RGN: variants seen among roughly 807,000 people sequenced by gnomAD.
RGN encodes the protein regucalcin.
RGN carries 19 observed loss-of-function variants against 20.6 expected under a neutral mutation model. The ratio of observed to expected loss-of-function variants is 0.92; its 90% confidence interval spans 0.64 to 1.35. RGN has a LOEUF of 1.35. Among genes scored for constraint, RGN ranks in the 40% most tolerant of loss-of-function variants. The pLI, the probability that RGN is intolerant of heterozygous loss-of-function variation, is 0.00. For synonymous variants in RGN, 85 were observed against 87.2 expected, an observed-to-expected ratio of 0.97 and a Z score of 0.14; for missense variants, 302 against 232.7, an observed-to-expected ratio of 1.30 and a Z score of -1.94.
At chrX:47,087,936 A>AAGC (rs1930676148) in intron 4 of RGN, among the ~76,000 whole-genome samples, 1 of 100,652 alleles carries the variant, frequency 9.9e-6, no homozygotes. Context: ...TATATTATAT[A>AAGC]ATATATAATA....
In RGN at chrX:47,084,444, C is replaced by T. The variant is rs960690657; in HGVS notation, c.190C>T (p.Arg64Cys). ...TGCCCCAGTCAGCTCCGTGGCTCTTCGCCAGTCGGGAGGCTATGTTGCCAC... is the reference window on the plus strand; with the variant it reads ...TGCCCCAGTCAGCTCCGTGGCTCTTTGCCAGTCGGGAGGCTATGTTGCCAC... ...MDAPVSSVAL[R>C]QSGGYVATIG... The change falls in exon 4 of 8, where the codon CGC (arginine) becomes TGC (cysteine). Residue 64 changes from arginine (R) to cysteine (C), a missense_variant. By Grantham distance (180) the Arg-to-Cys change is radical. Transcript: ENST00000397180. 1.3e-5 allele frequency: 16 copies of T among 1,204,114 alleles called. No individual in the cohort carries two copies. Among genetic ancestry groups the T allele is most frequent in the South Asian group, 1.8e-5 (1 of 55,335 alleles).
At chrX:47,086,103 T>G (rs1379403692) in intron 4 of RGN, among the ~76,000 whole-genome samples, 1 of 112,044 alleles carries the variant, frequency 8.9e-6, no homozygotes, top group East Asian at 2.8e-4. Flanking sequence ...TAGCTTTTTT[T>G]GTTTGTTTTT....
chrX:47,088,650 G>A (rs902026968), intron 4 of RGN, among the ~76,000 whole-genome samples: 8 of 110,009 alleles, frequency 7.3e-5, no homozygotes, highest in African/African-American at 2.6e-4. Flanking sequence ...GAAATCCTTT[G>A]GCCGGGCGCG....
chrX:47,081,097 T>C, intron 2 of RGN, 33 bp from the exon 3 acceptor site: 1 of 1,064,751 alleles, frequency 9.4e-7, no homozygotes, highest in Non-Finnish European at 1.3e-6. Context: ...TTCTGTGCGA[T>C]GACCTTTCAC....
chrX:47,090,727 G>C (rs919460015), intron 5 of RGN, among the ~76,000 whole-genome samples: 8 of 108,511 alleles, frequency 7.4e-5, no homozygotes, highest in African/African-American at 2.7e-4. Context: ...TTCTGGTGCA[G>C]ATGTTTTGCT....
intron 4 of RGN, among the ~76,000 whole-genome samples, chrX:47,085,770 C>A (rs1556384058): frequency 9.0e-6 from 1 of 111,705 alleles, no homozygotes; most frequent in Non-Finnish European, 1.9e-5. Context: ...GTGTGAGCCA[C>A]TGCACCTGGC....
At chrX:47,087,582 C>T (rs1334050023) in intron 4 of RGN, 1 of 109,649 alleles carries the variant, frequency 9.1e-6, no homozygotes, top group Admixed American at 1.0e-4. Flanking sequence ...ACAAGGATGA[C>T]ATGCAAATGC....
At position 47,089,789 on chromosome X, in the gene RGN, G is replaced by A. The variant is rs371816285; in HGVS notation, c.360G>A (p.Glu120=). ...AGRYFAGTMA[E]ETAPAVLERH... ...TGGTTTTTGTAGGCACCATGGCTGA[G>A]GAAACAGCTCCAGCAGTTCTTGAGC... Residue 120 remains glutamate, a synonymous_variant, in exon 5 of 8, where the codon GAG becomes GAA. Transcript: ENST00000397180. 2 of 1,200,991 alleles carry A rather than the reference G, an allele frequency of 1.7e-6. No individual in the cohort carries two copies. Among genetic ancestry groups the A allele is most frequent in the Admixed American group, 2.3e-5 (1 of 44,197 alleles).
chrX:47,086,738 A>AGAGG (rs782448286), intron 4 of RGN, among the ~76,000 whole-genome samples: 7 of 38,040 alleles, frequency 1.8e-4, no homozygotes, highest in Non-Finnish European at 2.6e-4. Flanking sequence ...ATAACAGGAG[A>AGAGG]GAGAGAGAGA....
intron 5 of RGN, among the ~76,000 whole-genome samples, chrX:47,091,470 G>C (rs924485072): frequency 9.0e-6 from 1 of 111,728 alleles, no homozygotes; most frequent in African/African-American, 3.3e-5. Flanking sequence ...CCATCTGAAT[G>C]CTTAAACAGA....
chrX:47,090,935 A>G (rs76211714), intron 5 of RGN, among the ~76,000 whole-genome samples: 763 of 29,940 alleles, frequency 0.025, 57 homozygotes, highest in African/African-American at 0.057. Context: ...AAAGAAAGAA[A>G]GAAAGAAAGA....
At chrX:47,084,277 C>A in intron 3 of RGN, 141 bp from the exon 4 acceptor site, 1 of 447,731 alleles carries the variant, frequency 2.2e-6, no homozygotes, top group Non-Finnish European at 3.7e-6. Flanking sequence ...ATAGCCTTCC[C>A]TACTCAACAG....
At chrX:47,082,881 C>G (rs1307347848) in intron 3 of RGN, among the ~76,000 whole-genome samples, 2 of 106,598 alleles carry the variant, frequency 1.9e-5, no homozygotes, top group Non-Finnish European at 3.9e-5. Flanking sequence ...AGGTTGGGAT[C>G]CCCAATGAGA....
intron 4 of RGN, among the ~76,000 whole-genome samples, chrX:47,086,763 GA>G (rs2147017534): frequency 9.4e-6 from 1 of 106,334 alleles, no homozygotes; most frequent in South Asian, 4.4e-4. Flanking sequence ...GAGAGAGAGA[GA>G]GAGAGAGAGA....
rs782316628 is a variant in RGN at position 47,092,931 on chromosome X, A to G, written c.884A>G (p.Tyr295Cys). Residue 295 changes from tyrosine (Y) to cysteine (C), a missense_variant, in exon 8 of 8, where the codon TAC becomes TGC. Physicochemically the swap from Tyr to Cys is radical, Grantham distance 194 (BLOSUM62 -2). Coordinates refer to ENST00000397180, the MANE Select transcript of RGN (RefSeq NM_152869.4). ...TGLGVKGIAP[Y>C]SYAG ...CTGGGGGTCAAAGGAATTGCTCCCT[A>G]CTCCTATGCGGGATGAGGACAGGTC... 1 of 1,203,574 alleles carries G rather than the reference A, an allele frequency of 8.3e-7. No individual in the cohort carries two copies. Among genetic ancestry groups the G allele is most frequent in the African/African-American group, 1.8e-5 (1 of 57,017 alleles).
chrX:47,081,015 C>G, intron 2 of RGN, 79 bp downstream of exon 2: 1 of 503,935 alleles, frequency 2.0e-6, no homozygotes. Context: ...TGTCACATTG[C>G]ATATCCTGCT....
At position 47,092,154 on chromosome X, in the gene RGN, C is replaced by T; in HGVS notation, c.788C>T (p.Ala263Val). Residue 263 changes from alanine (A) to valine (V), a missense_variant, in exon 7 of 8, where the codon GCC becomes GTC. By Grantham distance (64) the Ala-to-Val change is moderately conservative. Coordinates refer to ENST00000397180, the MANE Select transcript of RGN (RefSeq NM_152869.4). ...KNYSEMYVTC[A>V]RDGMDPEGLL... ...TACTCTGAAATGTATGTGACCTGCG[C>T]CCGGGATGGGATGGACCCCGAGGGT... 8.3e-7 allele frequency: 1 copy of T among 1,201,910 alleles called. No individual in the cohort carries two copies. Among genetic ancestry groups the T allele is most frequent in the East Asian group, 3.0e-5 (1 of 33,450 alleles).
At position 47,081,218 on chromosome X, in the gene RGN, T is replaced by C; in HGVS notation, c.74T>C (p.Val25Ala). Residue 25 changes from valine to alanine, a missense_variant, in exon 3 of 8, where the codon GTG becomes GCG. Val to Ala is a moderately conservative substitution (Grantham distance 64). Transcript: ENST00000397180. Reference protein sequence around the residue: ...RCGESPVWEEVSNSLLFVDIP... With the variant: ...RCGESPVWEEASNSLLFVDIP... ...GGTGAGTCTCCAGTATGGGAGGAAG[T>C]GTCCAACTCTCTGCTCTTTGTAGAC... 3 of 1,205,726 alleles carry C rather than the reference T, an allele frequency of 2.5e-6. No individual in the cohort carries two copies. The highest frequency in any genetic ancestry group is 3.4e-6 in the Non-Finnish European group (3 of 890,108).
chrX:47,084,465 G>A lies in RGN; in HGVS notation c.211G>A (p.Ala71Thr). The change falls in exon 4 of 8, where the codon GCC becomes ACC. Residue 71 changes from alanine to threonine, a missense_variant. Coordinates refer to ENST00000397180, the MANE Select transcript of RGN (RefSeq NM_152869.4). ...TCTTCGCCAGTCGGGAGGCTATGTT[G>A]CCACCATTGGAACAAAGTTCTGTGC... ...VALRQSGGYVATIGTKFCALN... is the reference protein window; with the variant it reads ...VALRQSGGYVTTIGTKFCALN... 1 of 1,206,165 alleles carries A rather than the reference G, an allele frequency of 8.3e-7. No homozygotes were observed. The highest frequency in any genetic ancestry group is 1.1e-6 in the Non-Finnish European group (1 of 892,444).
Sources: gnomAD v4.1 joint callset for allele counts (sites outside exome capture counted in the v4.1 genomes callset) on GRCh38, gnomAD v4.1.1 for gene constraint, MANE v1.5 for transcripts, NCBI Gene and HGNC (gene_info 2026-07-23, HGNC 2026-07-21) for gene names.